The following NELL2 variants were observed in gnomAD, a reference collection of about 807,000 sequenced individuals.
The protein encoded by NELL2 is neural EGFL like 2.
Under a neutral mutation model 109.6 loss-of-function variants are expected in NELL2, and 41 were observed. That is an observed-to-expected ratio of 0.37 (90% confidence interval 0.29 to 0.49). NELL2 has a LOEUF of 0.49. Among genes scored for constraint, NELL2 ranks in the 20% least tolerant of loss-of-function variants. The probability of loss-of-function intolerance (pLI) is 0.98; values close to 1 mark genes in which losing one functional copy is unlikely to be tolerated. For synonymous variants in NELL2, 355 were observed against 344.7 expected, an observed-to-expected ratio of 1.03 and a Z score of -0.33; for missense variants, 900 against 1,008.3, an observed-to-expected ratio of 0.89 and a Z score of 1.45.
At chr12:44,620,504 C>A (rs1266783511) in intron 13 of NELL2, among the ~76,000 whole-genome samples, 1 of 152,064 alleles carries the variant, frequency 6.6e-6, no homozygotes, top group East Asian at 1.9e-4. Flanking sequence ...AAGTGCTTGC[C>A]CCATTTCCAT....
intron 12 of NELL2, among the ~76,000 whole-genome samples, chr12:44,680,773 T>C (rs1427173325): frequency 1.3e-5 from 2 of 152,174 alleles, no homozygotes; most frequent in Admixed American, 6.5e-5. Context: ...CTCTCTCACA[T>C]TCATTTAACT....
At chr12:44,847,217 AG>A (rs1323107449) in intron 2 of NELL2, among the ~76,000 whole-genome samples, 1 of 152,238 alleles carries the variant, frequency 6.6e-6, no homozygotes, top group Non-Finnish European at 1.5e-5. Context: ...CAGTGAAGTA[AG>A]GAAGCAAACA....
At position 44,776,083 on chromosome 12, in the gene NELL2, T is replaced by G; in HGVS notation, c.830A>C (p.Lys277Thr). Residue 277 changes from lysine to threonine, a missense_variant, in exon 8 of 20, where the codon AAG becomes ACG. By Grantham distance (78) the Lys-to-Thr change is moderately conservative. Coordinates refer to ENST00000429094, the MANE Select transcript of NELL2 (RefSeq NM_001145108.2). Reference sequence around the variant, plus strand: ...CTCAAATTCTCGGTAGGTGGTTCCCTTCATGGTGCAAGTCCTTTCACAATA... The same window carrying G: ...CTCAAATTCTCGGTAGGTGGTTCCCGTCATGGTGCAAGTCCTTTCACAATA... Reference protein sequence around the residue: ...QCYCERTCTMKGTTYREFESW... With the variant: ...QCYCERTCTMTGTTYREFESW... 1 of 1,614,146 alleles carries G rather than the reference T, an allele frequency of 6.2e-7. No homozygotes were observed. The highest frequency in any genetic ancestry group is 8.5e-7 in the Non-Finnish European group (1 of 1,179,996).
chr12:44,789,730 A>C (rs1942311563), intron 3 of NELL2, among the ~76,000 whole-genome samples: 1 of 152,206 alleles, frequency 6.6e-6, no homozygotes, highest in Non-Finnish European at 1.5e-5. Context: ...AAAAAGATAT[A>C]AGAAGTGAAG....
At chr12:44,654,984 T>G (rs1947446291) in intron 13 of NELL2, among the ~76,000 whole-genome samples, 11 of 152,252 alleles carry the variant, frequency 7.2e-5, no homozygotes, top group Admixed American at 7.2e-4. Flanking sequence ...AGCTTCAAAT[T>G]CAGCAATCCT....
At chr12:44,741,879 G>C (rs554646488) in intron 9 of NELL2, among the ~76,000 whole-genome samples, 6 of 152,344 alleles carry the variant, frequency 3.9e-5, no homozygotes, top group African/African-American at 1.4e-4. Flanking sequence ...CTCCACCTCT[G>C]TGGGCAGGGC....
chr12:44,563,565 T>C (rs1320058375), intron 15 of NELL2, among the ~76,000 whole-genome samples: 2 of 152,186 alleles, frequency 1.3e-5, no homozygotes, highest in South Asian at 4.1e-4. Flanking sequence ...TCTAATTAAG[T>C]AGATCATCAT....
chr12:44,772,071 G>C (rs1287340800), intron 9 of NELL2, among the ~76,000 whole-genome samples: 1 of 152,150 alleles, frequency 6.6e-6, no homozygotes, highest in Non-Finnish European at 1.5e-5. Context: ...TCATTAAAAA[G>C]GCAGTTGAGC....
chr12:44,835,864 T>C (rs778075712), intron 2 of NELL2, among the ~76,000 whole-genome samples: 5 of 152,268 alleles, frequency 3.3e-5, no homozygotes, highest in African/African-American at 4.8e-5. Flanking sequence ...ATTCAGTGTC[T>C]AACAGTGAAA....
At chr12:44,710,601 A>T (rs1938144350) in intron 11 of NELL2, among the ~76,000 whole-genome samples, 1 of 152,146 alleles carries the variant, frequency 6.6e-6, no homozygotes, top group Non-Finnish European at 1.5e-5. Flanking sequence ...CTATAATAAG[A>T]TACCTAGTTT....
At chr12:44,619,691 A>G (rs1248003221) in intron 13 of NELL2, among the ~76,000 whole-genome samples, 1 of 151,740 alleles carries the variant, frequency 6.6e-6, no homozygotes, top group Non-Finnish European at 1.5e-5. Context: ...AAAGAAAAAC[A>G]GAAAGAAACT....
chr12:44,641,044 A>T (rs1181456062), intron 13 of NELL2, among the ~76,000 whole-genome samples: 1 of 152,216 alleles, frequency 6.6e-6, no homozygotes, highest in East Asian at 1.9e-4. Flanking sequence ...GATGGAGCAT[A>T]TGGCTAGCTC....
chr12:44,857,273 C>T (rs73279183), intron 2 of NELL2, among the ~76,000 whole-genome samples: 2,195 of 152,216 alleles, frequency 0.014, 49 homozygotes, highest in African/African-American at 0.049. Context: ...CCTACATTCT[C>T]ATTAAAAGAC....
At chr12:44,815,503 T>C (rs1395168675) in intron 3 of NELL2, among the ~76,000 whole-genome samples, 1 of 152,258 alleles carries the variant, frequency 6.6e-6, no homozygotes, top group Non-Finnish European at 1.5e-5. Flanking sequence ...GTTTTAGGAA[T>C]AGCAACTTCT....
chr12:44,824,081 T>G (rs989760327), intron 2 of NELL2, among the ~76,000 whole-genome samples: 9 of 152,210 alleles, frequency 5.9e-5, no homozygotes, highest in African/African-American at 2.2e-4. Flanking sequence ...TTAATCAGGT[T>G]ATTTGTTTTC....
chr12:44,771,850 C>T (rs1395079164), intron 9 of NELL2, among the ~76,000 whole-genome samples: 1 of 152,152 alleles, frequency 6.6e-6, no homozygotes, highest in Non-Finnish European at 1.5e-5. Flanking sequence ...CCCAGAAATG[C>T]GCAAACAACT....
In NELL2 at chr12:44,621,634, A is replaced by T. The variant is rs146511420; in HGVS notation, c.1445-10664T>A. Among the ~76,000 whole-genome samples the T allele has an allele frequency of 7.4e-4, 113 of 152,306 alleles. 1 individual carries two copies. In the East Asian group the frequency reaches 0.02, roughly 26 times the overall value. ...AATTTTGCTGCCAAATGAATTCTAA[A>T]AAATAAACATTTGAAGTACCTACAT... On this transcript the variant is annotated intron_variant, in intron 13 of 19. Coordinates refer to ENST00000429094, the MANE Select transcript of NELL2 (RefSeq NM_001145108.2).
At chr12:44,674,598 T>C (rs1472096979) in intron 12 of NELL2, among the ~76,000 whole-genome samples, 1 of 152,228 alleles carries the variant, frequency 6.6e-6, no homozygotes, top group East Asian at 1.9e-4. Context: ...ATAATGTGAA[T>C]GTATTTAAAT....
intron 1 of NELL2, among the ~76,000 whole-genome samples, chr12:44,890,381 C>T (rs961405656): frequency 6.6e-6 from 1 of 152,172 alleles, no homozygotes; most frequent in Non-Finnish European, 1.5e-5. Flanking sequence ...ATGTAAAGTT[C>T]TCATTTTGCA....
Sources: gnomAD v4.1 joint callset for allele counts (sites outside exome capture counted in the v4.1 genomes callset) on GRCh38, gnomAD v4.1.1 for gene constraint, MANE v1.5 for transcripts, NCBI Gene and HGNC (gene_info 2026-07-23, HGNC 2026-07-21) for gene names.